NEK11: variants seen among roughly 807,000 people sequenced by gnomAD.
The protein encoded by NEK11 is NIMA related kinase 11, also known as serine/threonine-protein kinase Nek11.
In NEK11, 72 loss-of-function variants were observed where a neutral mutation model predicts 80.7. The ratio of observed to expected loss-of-function variants is 0.89; its 90% CI spans 0.74 to 1.08. The LOEUF is 1.08. NEK11 is among the 50% of genes least tolerant of loss of function. The probability of loss-of-function intolerance (pLI) is 0.00; values close to 1 mark genes in which losing one functional copy is unlikely to be tolerated. For missense variants in NEK11, 764 were observed against 763.6 expected (o/e 1.00, Z -0.01); for synonymous variants, 251 against 260.7 (o/e 0.96, Z 0.36).
At chr3:131,031,250 G>A (rs573767991) in intron 3 of NEK11, among the ~76,000 whole-genome samples, 35 of 152,302 alleles carry the variant, frequency 2.3e-4, no homozygotes, top group Non-Finnish European at 4.3e-4. Flanking sequence ...CTACATGAGG[G>A]ATGATAAAAG....
At chr3:131,222,683 G>C (rs1350523872) in intron 14 of NEK11, among the ~76,000 whole-genome samples, 1 of 152,194 alleles carries the variant, frequency 6.6e-6, no homozygotes, top group African/African-American at 2.4e-5. Context: ...ATTTGAACTA[G>C]TCACATTCTA....
rs1579017791 is a variant in NEK11 at position 131,143,298 on chromosome 3, A to C, written c.648-9090A>C. ...TGCTATGCTTAGATTGGTCCACTTT[A>C]GATAGTTTGAGGTTCTTCTGTTCTC... On this transcript the variant is annotated intron_variant, in intron 7 of 17. Transcript: ENST00000383366. Among the ~76,000 whole-genome samples, 7 of 152,102 alleles carry C rather than the reference A, an allele frequency of 4.6e-5. No homozygotes were observed. The South Asian group carries it at 1.5e-3, about 32-fold the overall frequency.
At chr3:131,263,497 G>C (rs1310057799) in intron 16 of NEK11, among the ~76,000 whole-genome samples, 8 of 152,146 alleles carry the variant, frequency 5.3e-5, no homozygotes, top group Admixed American at 6.5e-5. Context: ...AAGTCAGGTA[G>C]TGTGATGCCT....
chr3:131,135,994 A>G (rs1367544760), intron 7 of NEK11, among the ~76,000 whole-genome samples: 1 of 152,004 alleles, frequency 6.6e-6, no homozygotes, highest in Non-Finnish European at 1.5e-5. Context: ...CTACTATTAC[A>G]TGGAGTATTA....
intron 17 of NEK11, among the ~76,000 whole-genome samples, chr3:131,305,909 G>T (rs1042342867): frequency 6.6e-5 from 10 of 152,086 alleles, no homozygotes; most frequent in Non-Finnish European, 1.0e-4. Flanking sequence ...TCTGCTTGGA[G>T]TGTCCCAGTC....
At chr3:131,288,459 T>C (rs1198695877) in intron 17 of NEK11, among the ~76,000 whole-genome samples, 1,785 of 147,012 alleles carry the variant, frequency 0.012, 42 homozygotes, top group African/African-American at 0.042. Flanking sequence ...TCTTTTTTTT[T>C]TTTTTTTTTT....
At chr3:131,171,525 A>G (rs904845990) in intron 14 of NEK11, among the ~76,000 whole-genome samples, 2 of 152,232 alleles carry the variant, frequency 1.3e-5, no homozygotes, top group African/African-American at 2.4e-5. Context: ...TAATGGTTAA[A>G]TGCATGAGTT....
At chr3:131,337,379 A>G (rs2097203500) in intron 17 of NEK11, among the ~76,000 whole-genome samples, 1 of 149,502 alleles carries the variant, frequency 6.7e-6, no homozygotes, top group Non-Finnish European at 1.5e-5. Context: ...AACACCAAAC[A>G]CCGCATGTTC....
chr3:131,180,884 T>C (rs1210998569), intron 14 of NEK11, among the ~76,000 whole-genome samples: 2 of 152,222 alleles, frequency 1.3e-5, no homozygotes, highest in Admixed American at 6.5e-5. Context: ...AAATTCTATA[T>C]TGGGGCCATA....
At chr3:131,165,553 A>C in intron 12 of NEK11, 34 bp downstream of exon 12, 4 of 1,426,710 alleles carry the variant, frequency 2.8e-6, no homozygotes, top group Non-Finnish European at 3.9e-6. Context: ...TTTACATAAA[A>C]ATTTTTCTTG....
intron 7 of NEK11, among the ~76,000 whole-genome samples, chr3:131,145,378 A>G (rs1579052145): frequency 1.3e-5 from 2 of 152,108 alleles, no homozygotes; most frequent in African/African-American, 4.8e-5. Context: ...AAAGGTGATC[A>G]ATTCACTGTT....
intron 3 of NEK11, among the ~76,000 whole-genome samples, chr3:131,073,510 C>T (rs2073806723): frequency 1.3e-5 from 2 of 152,052 alleles, no homozygotes; most frequent in African/African-American, 4.8e-5. Flanking sequence ...AATTATTTGC[C>T]TATTATCTGT....
intron 17 of NEK11, among the ~76,000 whole-genome samples, chr3:131,276,579 C>T (rs915795069): frequency 6.6e-6 from 1 of 152,084 alleles, no homozygotes; most frequent in African/African-American, 2.4e-5. Context: ...CACTTTGTCA[C>T]ATTTTTGTAA....
At chr3:131,337,337 T>C (rs1582320573) in intron 17 of NEK11, among the ~76,000 whole-genome samples, 1 of 151,878 alleles carries the variant, frequency 6.6e-6, no homozygotes, top group South Asian at 2.1e-4. Flanking sequence ...AAATTGGAAA[T>C]CATCATTCTC....
intron 14 of NEK11, among the ~76,000 whole-genome samples, chr3:131,193,684 AT>A (rs2093889430): frequency 6.6e-6 from 1 of 152,162 alleles, no homozygotes; most frequent in South Asian, 2.1e-4. Flanking sequence ...TCTTACTGAG[AT>A]TATGCACTTT....
At chr3:131,028,756 G>A (rs1419629755) in intron 2 of NEK11, among the ~76,000 whole-genome samples, 2 of 151,942 alleles carry the variant, frequency 1.3e-5, no homozygotes, top group Admixed American at 6.5e-5. Context: ...GGGTTTCACC[G>A]TGTTAGCCAG....
chr3:131,256,311 C>T (rs1367576205), intron 16 of NEK11, among the ~76,000 whole-genome samples: 1 of 152,118 alleles, frequency 6.6e-6, no homozygotes, highest in East Asian at 1.9e-4. Context: ...CTAAACACCA[C>T]ATTGTATCCC....
chr3:131,208,068 A>G (rs1184949756), intron 14 of NEK11, among the ~76,000 whole-genome samples: 3 of 152,144 alleles, frequency 2.0e-5, no homozygotes, highest in African/African-American at 7.2e-5. Flanking sequence ...GGTAATGCCT[A>G]GGTTTTCTTC....
chr3:131,098,468 T>C (rs1016032651), intron 4 of NEK11, among the ~76,000 whole-genome samples: 1 of 152,120 alleles, frequency 6.6e-6, no homozygotes, highest in African/African-American at 2.4e-5. Flanking sequence ...CTCATTATGG[T>C]TTTGATTTGC....
Sources: gnomAD v4.1 joint callset for allele counts (sites outside exome capture counted in the v4.1 genomes callset) on GRCh38, gnomAD v4.1.1 for gene constraint, MANE v1.5 for transcripts, NCBI Gene and HGNC (gene_info 2026-07-23, HGNC 2026-07-21) for gene names.